Variants in CDS1 observed in about 807,000 individuals in gnomAD.
CDS1 encodes the protein CDP-diacylglycerol synthase 1, also known as phosphatidate cytidylyltransferase 1.
CDS1 carries 41 observed loss-of-function variants against 62.1 expected under a neutral mutation model. The ratio of observed to expected loss-of-function variants is 0.66; its 90% CI spans 0.51 to 0.86. The LOEUF is 0.86. Ranked by LOEUF, CDS1 falls within the 40% of genes least tolerant of loss-of-function variation. The pLI, the probability that CDS1 is intolerant of heterozygous loss-of-function variation, is 0.00. For missense variants in CDS1, 470 were observed against 550.1 expected, an observed-to-expected ratio of 0.85 and a Z score of 1.46; for synonymous variants, 185 against 192.6, an observed-to-expected ratio of 0.96 and a Z score of 0.32.
chr4:84,606,856 T>A (rs1560469302), intron 2 of CDS1, among the ~76,000 whole-genome samples: 1 of 152,176 alleles, frequency 6.6e-6, no homozygotes, highest in Non-Finnish European at 1.5e-5. Context: ...AATTTTTGTA[T>A]TTTTTATAGA....
intron 2 of CDS1, among the ~76,000 whole-genome samples, chr4:84,607,688 G>A (rs933526201): frequency 6.6e-6 from 1 of 151,924 alleles, no homozygotes; most frequent in African/African-American, 2.4e-5. Context: ...TTGAGCCCAG[G>A]AGTTAGAGAC....
chr4:84,612,103 A>G (rs909539905), intron 3 of CDS1, among the ~76,000 whole-genome samples: 1 of 150,334 alleles, frequency 6.7e-6, no homozygotes, highest in African/African-American at 2.4e-5. Flanking sequence ...CAAAGGTCCA[A>G]GTGGCTAGAA....
chr4:84,615,215 C>T (rs1235907617), intron 3 of CDS1, among the ~76,000 whole-genome samples: 1 of 152,042 alleles, frequency 6.6e-6, no homozygotes, highest in Admixed American at 6.6e-5. Flanking sequence ...TTTCCTCACG[C>T]ACCATGTCTA....
rs1404490328 is a variant in CDS1, at chr4:84,649,522, C to G, written c.*836C>G. 6.5e-6 allele frequency: 1 copy of G among 152,806 alleles called. No homozygotes were observed. The highest frequency in any genetic ancestry group is 1.5e-5 in the Non-Finnish European group (1 of 68,380). 9.5% of individuals were successfully genotyped at this position (152,806 alleles called of 1,614,324 possible). A position where few individuals can be genotyped will look rare whatever the true frequency, so the allele number is the denominator to read the frequency against. On this transcript the variant is annotated 3_prime_UTR_variant, in exon 13 of 13. Coordinates refer to ENST00000295887, the MANE Select transcript of CDS1 (RefSeq NM_001263.4). ...TGGGCCATCTCTTCGTCATGTGCTTCACTTTTCCCTGTTTCCCTGTGAACT... is the reference window on the plus strand; with the variant it reads ...TGGGCCATCTCTTCGTCATGTGCTTGACTTTTCCCTGTTTCCCTGTGAACT...
chr4:84,586,099 G>A (rs894287446), intron 1 of CDS1, among the ~76,000 whole-genome samples: 39 of 152,120 alleles, frequency 2.6e-4, no homozygotes, highest in African/African-American at 8.9e-4. Flanking sequence ...TAGGCACAGG[G>A]TTGCAGATAC....
chr4:84,624,017 A>G (rs1378040812), intron 5 of CDS1, among the ~76,000 whole-genome samples: 1 of 151,904 alleles, frequency 6.6e-6, no homozygotes, highest in Admixed American at 6.6e-5. Context: ...CACACCTATA[A>G]TCCCAGCACT....
chr4:84,606,025 A>G (rs1422262146), intron 2 of CDS1, among the ~76,000 whole-genome samples: 2 of 152,170 alleles, frequency 1.3e-5, no homozygotes, highest in Admixed American at 1.3e-4. Context: ...TGAACAATAG[A>G]TAATATAGTG....
chr4:84,607,694 G>A (rs1723172845), intron 2 of CDS1, among the ~76,000 whole-genome samples: 1 of 151,950 alleles, frequency 6.6e-6, no homozygotes, highest in Admixed American at 6.6e-5. Context: ...CCAGGAGTTA[G>A]AGACCAGCCT....
intron 5 of CDS1, among the ~76,000 whole-genome samples, chr4:84,629,608 G>C (rs1723960569): frequency 2.0e-5 from 3 of 152,148 alleles, no homozygotes; most frequent in Admixed American, 2.0e-4. Flanking sequence ...TGGGGATCCT[G>C]CAACCAATCA....
rs1430891638 is a variant in CDS1 at position 84,648,594 on chromosome 4, G to A, written c.1294G>A (p.Val432Met). ...CAGCAAAGTGCTACAGCAGTTGTTGGTGCTTCAACCTGAACAGCAGTTAAA... is the reference window on the plus strand; with the variant it reads ...CAGCAAAGTGCTACAGCAGTTGTTGATGCTTCAACCTGAACAGCAGTTAAA... ...NPSKVLQQLLVLQPEQQLNIY... is the reference protein window; with the variant it reads ...NPSKVLQQLLMLQPEQQLNIY... Residue 432 changes from valine to methionine, a missense_variant, in exon 13 of 13, where the codon GTG becomes ATG. Physicochemically the swap from Val to Met is conservative, Grantham distance 21 (BLOSUM62 1). Coordinates refer to ENST00000295887, the MANE Select transcript of CDS1 (RefSeq NM_001263.4). The A allele has an allele frequency of 4.3e-6, 7 of 1,613,740 alleles. No homozygotes were observed. Among genetic ancestry groups the A allele is most frequent in the Non-Finnish European group, 5.1e-6 (6 of 1,179,868 alleles).
intron 3 of CDS1, among the ~76,000 whole-genome samples, chr4:84,616,376 G>T (rs1217764088): frequency 6.6e-6 from 1 of 152,026 alleles, no homozygotes; most frequent in African/African-American, 2.4e-5. Context: ...TCAGTATAAT[G>T]GGAAAAAATA....
At chr4:84,635,690 C>T (rs1352588152) in intron 8 of CDS1, among the ~76,000 whole-genome samples, 7 of 126,862 alleles carry the variant, frequency 5.5e-5, no homozygotes, top group African/African-American at 2.3e-4. Context: ...TTCCTTCCTT[C>T]CCTCCTTCCC....
chr4:84,630,192 A>G (rs1372394022), intron 5 of CDS1, among the ~76,000 whole-genome samples: 1 of 152,178 alleles, frequency 6.6e-6, no homozygotes, highest in Non-Finnish European at 1.5e-5. Flanking sequence ...TTTTAAAGGA[A>G]TCTTTCATAC....
intron 1 of CDS1, among the ~76,000 whole-genome samples, chr4:84,598,678 G>A (rs575387569): frequency 6.6e-6 from 1 of 152,068 alleles, no homozygotes; most frequent in East Asian, 1.9e-4. Context: ...TTGCTATGTT[G>A]CCCAGGGTGG....
chr4:84,629,581 C>T (rs996833312), intron 5 of CDS1, among the ~76,000 whole-genome samples: 3 of 152,106 alleles, frequency 2.0e-5, no homozygotes, highest in Admixed American at 6.5e-5. Flanking sequence ...CTTGAGCATC[C>T]ATGGATTTTT....
chr4:84,590,663 T>C (rs1722566126), intron 1 of CDS1, among the ~76,000 whole-genome samples: 1 of 152,176 alleles, frequency 6.6e-6, no homozygotes, highest in Admixed American at 6.5e-5. Context: ...TGAGCCAAAG[T>C]GAGTACACTG....
intron 5 of CDS1, among the ~76,000 whole-genome samples, chr4:84,624,883 C>A (rs1238340762): frequency 1.3e-5 from 2 of 150,906 alleles, no homozygotes; most frequent in Non-Finnish European, 2.9e-5. Context: ...TTTTTTGAAA[C>A]ACAGTCTCAC....
At chr4:84,620,473 C>T (rs1723648265) in intron 5 of CDS1, among the ~76,000 whole-genome samples, 1 of 151,968 alleles carries the variant, frequency 6.6e-6, no homozygotes, top group South Asian at 2.1e-4. Flanking sequence ...TCGCCTGCCT[C>T]AGCCTCCCAA....
chr4:84,592,381 C>T (rs142003010), intron 1 of CDS1, among the ~76,000 whole-genome samples: 1,927 of 152,034 alleles, frequency 0.013, 49 homozygotes, highest in African/African-American at 0.044. Flanking sequence ...CCATGTTGGC[C>T]GGGCTGGTCT....
Sources: allele counts gnomAD v4.1 joint callset (sites outside exome capture counted in the v4.1 genomes callset), GRCh38; gene constraint gnomAD v4.1.1; transcripts MANE v1.5; gene names NCBI Gene and HGNC (gene_info 2026-07-23, HGNC 2026-07-21).